OPCML: variants seen among roughly 807,000 people sequenced by gnomAD.
The protein encoded by OPCML is opioid-binding protein/cell adhesion molecule.
In OPCML, 13 loss-of-function variants were observed where a neutral mutation model predicts 37.8. The observed-to-expected ratio is 0.34, with a 90% CI of 0.22 to 0.55. The LOEUF (loss-of-function observed/expected upper bound fraction) is 0.55. OPCML is among the 20% of genes least tolerant of loss of function. The pLI, the probability that OPCML is intolerant of heterozygous loss-of-function variation, is 0.91. For missense variants in OPCML, 341 were observed against 435.6 expected (o/e 0.78, Z 1.93); for synonymous variants, 176 against 168.8 (o/e 1.04, Z -0.33).
At chr11:132,890,499 A>C (rs1943597818) in intron 2 of OPCML, among the ~76,000 whole-genome samples, 1 of 152,146 alleles carries the variant, frequency 6.6e-6, no homozygotes, top group Non-Finnish European at 1.5e-5. Context: ...ACACAGAATA[A>C]TTTAAGGGAG....
chr11:133,132,873 CT>C (rs1949627883), intron 1 of OPCML, among the ~76,000 whole-genome samples: 1 of 143,698 alleles, frequency 7.0e-6, no homozygotes, highest in South Asian at 2.2e-4. Flanking sequence ...AAAAAAAAAA[CT>C]TGGGGGACAA....
At chr11:133,405,065 C>G (rs1470073032) in intron 1 of OPCML, among the ~76,000 whole-genome samples, 1 of 152,192 alleles carries the variant, frequency 6.6e-6, no homozygotes, top group Non-Finnish European at 1.5e-5. Flanking sequence ...CAGGCTTTTA[C>G]AGTTCTCCCT....
chr11:132,663,513 A>G (rs1942077565), intron 2 of OPCML, among the ~76,000 whole-genome samples: 1 of 152,224 alleles, frequency 6.6e-6, no homozygotes, highest in South Asian at 2.1e-4. Context: ...GTGGTATGAC[A>G]ACAATTAAAT....
intron 2 of OPCML, among the ~76,000 whole-genome samples, chr11:132,761,197 G>C (rs1480427788): frequency 6.7e-6 from 1 of 148,826 alleles, no homozygotes; most frequent in Non-Finnish European, 1.5e-5. Flanking sequence ...CCCTTTGTGA[G>C]TAACCTGGCC....
At chr11:132,662,072 G>A (rs1043621417) in intron 2 of OPCML, among the ~76,000 whole-genome samples, 18 of 152,294 alleles carry the variant, frequency 1.2e-4, no homozygotes, top group Admixed American at 8.5e-4. Flanking sequence ...ATTCAGGGTC[G>A]TTTTGTTTTG....
intron 1 of OPCML, among the ~76,000 whole-genome samples, chr11:133,385,459 C>T (rs192908649): frequency 2.6e-5 from 4 of 152,268 alleles, no homozygotes; most frequent in African/African-American, 4.8e-5. Context: ...AAGGCTTGGT[C>T]GTCCGGCAGA....
intron 1 of OPCML, among the ~76,000 whole-genome samples, chr11:133,002,141 T>C (rs1407401470): frequency 6.6e-6 from 1 of 152,202 alleles, no homozygotes; most frequent in Non-Finnish European, 1.5e-5. Context: ...CCCTTTGCTT[T>C]TGAAAGAAGA....
intron 3 of OPCML, among the ~76,000 whole-genome samples, chr11:132,628,179 C>T (rs557049034): frequency 6.1e-4 from 93 of 151,578 alleles, no homozygotes; most frequent in African/African-American, 1.9e-3. Flanking sequence ...GTTACCTTGG[C>T]GTAAGTAATG....
At chr11:132,937,740 C>T (rs971843704) in intron 2 of OPCML, among the ~76,000 whole-genome samples, 4 of 151,984 alleles carry the variant, frequency 2.6e-5, no homozygotes, top group Non-Finnish European at 5.9e-5. Context: ...AGCCATGACC[C>T]AACCCAGGAC....
At chr11:133,429,744 T>C (rs986799685) in intron 1 of OPCML, among the ~76,000 whole-genome samples, 3 of 152,144 alleles carry the variant, frequency 2.0e-5, no homozygotes, top group Non-Finnish European at 4.4e-5. Context: ...AAGTTTCCAT[T>C]AGCTGAGTTG....
intron 1 of OPCML, among the ~76,000 whole-genome samples, chr11:133,468,316 A>G (rs1441226923): frequency 2.6e-5 from 4 of 152,170 alleles, no homozygotes; most frequent in African/African-American, 7.2e-5. Context: ...CTTTTCCTAT[A>G]GGTGAAGAAA....
rs888584347 is a variant in OPCML, at chr11:133,005,346, G to A, written c.62-62336C>T. The A allele has an allele frequency of 4.1e-6, 4 of 985,292 alleles. No homozygotes were observed. The African/African-American group carries it at 7.0e-5, about 17-fold the overall frequency. 61.0% of individuals were successfully genotyped at this position (985,292 alleles called of 1,614,324 possible). On this transcript the variant is annotated intron_variant, in intron 1 of 7. Transcript: ENST00000524381. ...GCTTGGAAGTAACATGACAGTAAAT[G>A]TGATGTAGACACATACAGCAAATGC... is the stretch of plus-strand genomic sequence containing the variant.
chr11:133,006,107 G>T (rs1397163650), intron 1 of OPCML: 6 of 985,348 alleles, frequency 6.1e-6, no homozygotes, highest in Non-Finnish European at 7.2e-6. Context: ...CTGGCATGGG[G>T]TCATTGTGAG....
At chr11:132,887,268 T>C (rs1325431465) in intron 2 of OPCML, among the ~76,000 whole-genome samples, 20 of 152,216 alleles carry the variant, frequency 1.3e-4, no homozygotes, top group Admixed American at 1.2e-3. Flanking sequence ...CCACGGAGCC[T>C]AGGTGTGTGG....
intron 1 of OPCML, among the ~76,000 whole-genome samples, chr11:133,482,160 T>G (rs1947385787): frequency 6.6e-6 from 1 of 152,032 alleles, no homozygotes; most frequent in South Asian, 2.1e-4. Flanking sequence ...AAGCTGGGTT[T>G]TCAACTCCAC....
chr11:132,688,125 T>G lies in OPCML; in HGVS notation c.147-30806A>C, dbSNP rs569042100. Among the ~76,000 whole-genome samples, 3 of 152,166 alleles carry G rather than the reference T, an allele frequency of 2.0e-5. No individual in the cohort carries two copies. The East Asian group carries it at 5.8e-4, about 29-fold the overall frequency. On this transcript the variant is annotated intron_variant, in intron 2 of 7. Coordinates refer to ENST00000524381, the MANE Select transcript of OPCML (RefSeq NM_001012393.5). The stretch of plus-strand genomic sequence containing the variant: ...AAAGCCCTTTTTGGATAACAAAACA[T>G]GTACATTAATAATAATTCCGGCTTT...
intron 1 of OPCML, among the ~76,000 whole-genome samples, chr11:133,013,647 G>A (rs1261130785): frequency 5.9e-5 from 9 of 152,078 alleles, no homozygotes; most frequent in South Asian, 2.1e-4. Flanking sequence ...TTATTCTACC[G>A]CCTCATAACG....
rs879299394 is a variant in OPCML at position 133,211,857 on chromosome 11, C to A, written c.62-268847G>T. ...AGAGTATAAGCATTTGACTCAAACT[C>A]TTCAAGATAGGGAGTTAAAGAATGC... On this transcript the variant is annotated intron_variant, in intron 1 of 7. Coordinates refer to ENST00000524381, the MANE Select transcript of OPCML (RefSeq NM_001012393.5). This position sits in a 1 kb window ranked among gnomAD's most constrained non-coding sequence, Gnocchi z 4.1. Among the ~76,000 whole-genome samples the A allele has an allele frequency of 6.6e-6, 1 of 152,210 alleles. No homozygotes were observed. Among genetic ancestry groups the A allele is most frequent in the Non-Finnish European group, 1.5e-5 (1 of 68,036 alleles).
intron 3 of OPCML, among the ~76,000 whole-genome samples, chr11:132,643,174 A>T (rs1364288587): frequency 6.6e-6 from 1 of 152,186 alleles, no homozygotes; most frequent in Non-Finnish European, 1.5e-5. Context: ...CTTCTCGGGA[A>T]GCTGAGGCAT....
Sources: gnomAD v4.1 joint callset for allele counts (sites outside exome capture counted in the v4.1 genomes callset) on GRCh38, gnomAD v4.1.1 for gene constraint, Gnocchi (gnomAD v3.1) non-coding constraint, MANE v1.5 for transcripts, NCBI Gene and HGNC (gene_info 2026-07-23, HGNC 2026-07-21) for gene names.